IL1R1: variants seen among roughly 807,000 people sequenced by gnomAD.
The protein encoded by IL1R1 is interleukin 1 receptor type 1.
A neutral mutation model predicts 50.2 loss-of-function variants in IL1R1; 22 were observed. The ratio of observed to expected loss-of-function variants is 0.44; its 90% CI spans 0.31 to 0.63. The LOEUF (loss-of-function observed/expected upper bound fraction) is 0.63, where lower values mean the gene tolerates loss of function less well. IL1R1 is among the 20% of genes least tolerant of loss of function. IL1R1 has a pLI of 0.07. For synonymous variants in IL1R1, 251 were observed against 236.7 expected (o/e 1.06, Z -0.55); for missense variants, 509 against 676.2 (o/e 0.75, Z 2.74).
intron 1 of IL1R1, among the ~76,000 whole-genome samples, chr2:102,075,433 C>T (rs142710660): frequency 1.1e-3 from 170 of 152,072 alleles, no homozygotes; most frequent in African/African-American, 3.7e-3. Context: ...AAAATTATAA[C>T]ACATGCTAAA....
chr2:102,160,891 A>G (rs1684662077), intron 3 of IL1R1, among the ~76,000 whole-genome samples: 1 of 152,186 alleles, frequency 6.6e-6, no homozygotes, highest in South Asian at 2.1e-4. Flanking sequence ...CCGAACCACT[A>G]AGTAATACAA....
intron 1 of IL1R1, among the ~76,000 whole-genome samples, chr2:102,131,918 C>T (rs1048628868): frequency 6.6e-6 from 1 of 151,688 alleles, no homozygotes; most frequent in Non-Finnish European, 1.5e-5. Flanking sequence ...TTAAAATCAG[C>T]GATAAAGAAA....
intron 1 of IL1R1, among the ~76,000 whole-genome samples, chr2:102,145,781 G>A (rs544397280): frequency 2.6e-4 from 40 of 152,274 alleles, no homozygotes; most frequent in African/African-American, 9.6e-4. Flanking sequence ...AAGCACTCAG[G>A]GAAATGCCAG....
chr2:102,123,970 G>A (rs1681544154), intron 1 of IL1R1, among the ~76,000 whole-genome samples: 2 of 151,998 alleles, frequency 1.3e-5, no homozygotes, highest in Admixed American at 6.6e-5. Context: ...ATGGAAAGGG[G>A]AAGAGGGAAA....
Position 102,166,202 on chromosome 2 carries a change from G to A in IL1R1, c.576G>A (p.Gly192=). ...IVMNVAEKHR[G]NYTCHASYTY... Reference sequence around the variant, plus strand: ...TGAATGTGGCTGAAAAGCATAGAGGGAACTATACTTGTCATGCATCCTACA... The same window carrying A: ...TGAATGTGGCTGAAAAGCATAGAGGAAACTATACTTGTCATGCATCCTACA... Residue 192 remains glycine, a synonymous_variant, in exon 6 of 12, where the codon GGG becomes GGA. Transcript: ENST00000410023. 1 of 1,613,036 alleles carries A rather than the reference G, an allele frequency of 6.2e-7. No homozygotes were observed. The highest frequency in any genetic ancestry group is 1.1e-5 in the South Asian group (1 of 91,030).
chr2:102,144,856 C>T (rs758025199), intron 1 of IL1R1, among the ~76,000 whole-genome samples: 1 of 152,138 alleles, frequency 6.6e-6, no homozygotes, highest in Non-Finnish European at 1.5e-5. Context: ...GGCTGCTATT[C>T]TCCAAGTTTG....
At position 102,079,668 on chromosome 2, in the gene IL1R1, C is replaced by T. The variant is rs988467601; in HGVS notation, c.-84+9135C>T. On this transcript the variant is annotated intron_variant, in intron 1 of 11. Coordinates refer to the IL1R1 transcript ENST00000409929. ...AACTTTTTTAAAGATGGCAGTACTC[C>T]CCAAATGTATCCCAGATTTATCACA... 3.3e-5 allele frequency among the ~76,000 whole-genome samples: 5 copies of T among 152,142 alleles called. No individual in the cohort carries two copies. The South Asian group carries it at 1.0e-3, about 32-fold the overall frequency.
chr2:102,110,738 T>C (rs13026492), intron 1 of IL1R1, among the ~76,000 whole-genome samples: 42,201 of 151,414 alleles, frequency 0.28, 6,720 homozygotes, highest in African/African-American at 0.45. Flanking sequence ...CGTTTTTCAT[T>C]TGGTGATTGT....
intron 1 of IL1R1, among the ~76,000 whole-genome samples, chr2:102,077,664 T>C (rs1272850512): frequency 6.6e-6 from 1 of 152,224 alleles, no homozygotes; most frequent in Admixed American, 6.5e-5. Flanking sequence ...TCCTGCTTCT[T>C]TGCATGCATG....
intron 10 of IL1R1, among the ~76,000 whole-genome samples, 191 bp from the exon 11 acceptor site, chr2:102,175,287 A>C (rs906734487): frequency 6.6e-6 from 1 of 152,214 alleles, no homozygotes; most frequent in Non-Finnish European, 1.5e-5. Flanking sequence ...GCAGTAAAAC[A>C]CAAGAAATAG....
At chr2:102,092,688 C>T (rs958727213) in intron 1 of IL1R1, among the ~76,000 whole-genome samples, 1 of 152,080 alleles carries the variant, frequency 6.6e-6, no homozygotes, top group Admixed American at 6.5e-5. Context: ...ATGTTTATGA[C>T]ACTAATTCTT....
At chr2:102,105,009 C>T (rs1168956848) in intron 1 of IL1R1, 1 of 151,900 alleles carries the variant, frequency 6.6e-6, no homozygotes, top group Non-Finnish European at 1.5e-5. Context: ...TATTGTTTGT[C>T]GAAACAACAT....
Position 102,177,265 on chromosome 2 carries a change from A to T in IL1R1, c.*506A>T, listed in dbSNP as rs1445296236. On this transcript the variant is annotated 3_prime_UTR_variant, in exon 12 of 12. Coordinates refer to ENST00000410023, the MANE Select transcript of IL1R1 (RefSeq NM_000877.4). ...TGGCAACAGAGCAAGACTCCGTCTC[A>T]AAAAAAGGGCAATAAATGCCCTCTC... is the stretch of plus-strand genomic sequence containing the variant. 6.3e-6 allele frequency: 1 copy of T among 159,436 alleles called. No individual in the cohort carries two copies. The highest frequency in any genetic ancestry group is 2.4e-5 in the African/African-American group (1 of 41,242). The allele number at this position is 159,436 out of a possible 1,614,324, so 9.9% of individuals were successfully genotyped here. A position where few individuals can be genotyped will look rare whatever the true frequency, so the allele number is the denominator to read the frequency against.
intron 1 of IL1R1, among the ~76,000 whole-genome samples, chr2:102,076,080 A>G (rs1678944082): frequency 6.6e-6 from 1 of 152,144 alleles, no homozygotes; most frequent in Non-Finnish European, 1.5e-5. Flanking sequence ...GACCCACAAT[A>G]CATTTTTAAT....
upstream of IL1R1, among the ~76,000 whole-genome samples, chr2:102,101,053 T>G (rs971662364): frequency 5.3e-5 from 8 of 152,138 alleles, no homozygotes; most frequent in African/African-American, 1.9e-4. Flanking sequence ...CTGGAAAGCA[T>G]TTTGGAGATC....
At chr2:102,097,530 G>T (rs1283555097) in intron 1 of IL1R1, among the ~76,000 whole-genome samples, 1 of 151,860 alleles carries the variant, frequency 6.6e-6, no homozygotes, top group Non-Finnish European at 1.5e-5. Flanking sequence ...AAAGAAAAAA[G>T]ACTATAAAAT....
chr2:102,147,327 T>C (rs1056537326), intron 1 of IL1R1, among the ~76,000 whole-genome samples: 2 of 152,190 alleles, frequency 1.3e-5, no homozygotes, highest in African/African-American at 4.8e-5. Context: ...GAAGGCTTAG[T>C]CCTCTGAAAC....
intron 1 of IL1R1, among the ~76,000 whole-genome samples, chr2:102,075,025 C>G (rs1016543032): frequency 6.6e-6 from 1 of 151,970 alleles, no homozygotes; most frequent in Non-Finnish European, 1.5e-5. Flanking sequence ...GTGTGTTATG[C>G]GTATTCTTTA....
rs375336927 is a variant in IL1R1, at chr2:102,105,600, G to A, written c.-84+728G>A. Among the ~76,000 whole-genome samples the A allele has an allele frequency of 4.6e-5, 7 of 152,226 alleles. No individual in the cohort carries two copies. The South Asian group carries it at 8.3e-4, about 18-fold the overall frequency. On this transcript the variant is annotated intron_variant, in intron 1 of 10. Transcript: ENST00000409329. ...AGGATGGTCTCGATCTCCTGACCTCGTGATCCACCTGCCTGGGCCTCCCAA... is the reference window on the plus strand; with the variant it reads ...AGGATGGTCTCGATCTCCTGACCTCATGATCCACCTGCCTGGGCCTCCCAA...
Sources: gnomAD v4.1 joint callset for allele counts (sites outside exome capture counted in the v4.1 genomes callset) on GRCh38, gnomAD v4.1.1 for gene constraint, MANE v1.5 for transcripts, NCBI Gene and HGNC (gene_info 2026-07-23, HGNC 2026-07-21) for gene names.